Variants in KIAA1217 observed in about 807,000 individuals in gnomAD.
KIAA1217 encodes the protein sickle tail protein homolog.
A neutral mutation model predicts 163.9 loss-of-function variants in KIAA1217; 88 were observed. The ratio of observed to expected loss-of-function variants is 0.54; its 90% CI spans 0.45 to 0.64. KIAA1217 has a LOEUF of 0.64. Among genes scored for constraint, KIAA1217 ranks in the 30% least tolerant of loss-of-function variants. The probability of loss-of-function intolerance (pLI) is 0.00; values close to 1 mark genes in which losing one functional copy is unlikely to be tolerated. For missense variants in KIAA1217, 2,372 were observed against 2,475.0 expected, an observed-to-expected ratio of 0.96 and a Z score of 0.88; for synonymous variants, 903 against 923.1, an observed-to-expected ratio of 0.98 and a Z score of 0.39.
At chr10:24,343,844 T>G (rs1018061938) in intron 2 of KIAA1217, among the ~76,000 whole-genome samples, 2 of 152,252 alleles carry the variant, frequency 1.3e-5, no homozygotes, top group Non-Finnish European at 2.9e-5. Context: ...ACTGAATAAT[T>G]AATCTTTTCC....
chr10:23,803,886 TAC>T lies in KIAA1217; in HGVS notation c.-321+108664_-321+108665del, dbSNP rs200326047. Among the ~76,000 whole-genome samples the T allele has an allele frequency of 9.5e-3, 1,441 of 151,340 alleles. 19 individuals carry two copies. Among genetic ancestry groups the T allele is most frequent in the African/African-American group, 0.033 (1,365 of 41,416 alleles). ...GTTTGTGTTTGTATGCACACACACATACACACACACACAATGACAAAGACATT... is the reference window on the plus strand; with the variant it reads ...GTTTGTGTTTGTATGCACACACACATACACACACACAATGACAAAGACATT... On this transcript the variant is annotated intron_variant, in intron 1 of 18. Coordinates refer to the KIAA1217 transcript ENST00000376462.
At chr10:23,768,591 T>C (rs751298066) in intron 1 of KIAA1217, among the ~76,000 whole-genome samples, 98 of 152,324 alleles carry the variant, frequency 6.4e-4, no homozygotes, top group Admixed American at 1.1e-3. Context: ...ATTCGTGAAC[T>C]TTTCAATGAG....
intron 1 of KIAA1217, among the ~76,000 whole-genome samples, chr10:23,805,996 C>CAAAAAAA (rs71397917): frequency 3.2e-3 from 98 of 30,468 alleles, no homozygotes; most frequent in African/African-American, 7.1e-3. Flanking sequence ...AACTCCATCT[C>CAAAAAAA]AAAAAAAAAA....
At chr10:24,476,959 G>A (rs1041979284) in intron 6 of KIAA1217, among the ~76,000 whole-genome samples, 3 of 152,004 alleles carry the variant, frequency 2.0e-5, no homozygotes, top group Admixed American at 6.6e-5. Context: ...AACACTCCCC[G>A]CTAACTCCCC....
At chr10:24,071,777 C>T (rs1213449501) in intron 2 of KIAA1217, among the ~76,000 whole-genome samples, 3 of 151,776 alleles carry the variant, frequency 2.0e-5, no homozygotes, top group Non-Finnish European at 4.4e-5. Flanking sequence ...GGCATTATTG[C>T]CCATCATTAG....
At chr10:23,704,168 G>GTATATATATATA (rs1346283849) in intron 1 of KIAA1217, among the ~76,000 whole-genome samples, 2 of 63,282 alleles carry the variant, frequency 3.2e-5, no homozygotes, top group Non-Finnish European at 5.2e-5. Context: ...GTGTGTGTGT[G>GTATATATATATA]TGTGTATATA....
chr10:24,390,464 G>GGAGAGAGA (rs2054716397), intron 3 of KIAA1217, among the ~76,000 whole-genome samples: 1 of 95,590 alleles, frequency 1.0e-5, no homozygotes, highest in East Asian at 3.1e-4. Context: ...AAAAAAGGAG[G>GGAGAGAGA]GAGGGAGGGA....
chr10:23,780,834 C>T (rs1382869340), intron 1 of KIAA1217, among the ~76,000 whole-genome samples: 1 of 152,092 alleles, frequency 6.6e-6, no homozygotes, highest in East Asian at 1.9e-4. Context: ...GTGCCCACCA[C>T]CATGCCTGGC....
intron 1 of KIAA1217, among the ~76,000 whole-genome samples, chr10:23,787,562 T>C (rs977147296): frequency 5.3e-5 from 8 of 152,084 alleles, no homozygotes; most frequent in African/African-American, 1.9e-4. Context: ...TTGGAGGTGA[T>C]GTTCTGGATA....
chr10:23,864,523 A>AACACACACACACAC (rs10544205), intron 1 of KIAA1217, among the ~76,000 whole-genome samples: 61 of 147,346 alleles, frequency 4.1e-4, no homozygotes, highest in Non-Finnish European at 8.1e-4. Flanking sequence ...TACACACACC[A>AACACACACACACAC]ACACACACAC....
chr10:24,407,073 T>C (rs922238485), intron 3 of KIAA1217, among the ~76,000 whole-genome samples: 3 of 152,186 alleles, frequency 2.0e-5, no homozygotes, highest in Non-Finnish European at 4.4e-5. Context: ...CCTGGGCAGA[T>C]CTCTTCTCCT....
intron 1 of KIAA1217, among the ~76,000 whole-genome samples, chr10:24,214,956 T>G (rs370625586): frequency 2.0e-5 from 3 of 152,226 alleles, no homozygotes; most frequent in African/African-American, 7.2e-5. Flanking sequence ...ACCCGAGTTG[T>G]GGCAAAGAAG....
intron 13 of KIAA1217, among the ~76,000 whole-genome samples, chr10:24,525,859 G>GC (rs892286553): frequency 1.7e-4 from 26 of 152,144 alleles, no homozygotes; most frequent in African/African-American, 5.8e-4. Context: ...GCATGGTGGC[G>GC]CGTGCCTGTA....
At chr10:24,074,885 G>C (rs532294974) in intron 2 of KIAA1217, among the ~76,000 whole-genome samples, 2 of 152,066 alleles carry the variant, frequency 1.3e-5, no homozygotes, top group East Asian at 3.9e-4. Flanking sequence ...TTCTTGTAAA[G>C]ATGGGGTTTT....
intron 2 of KIAA1217, among the ~76,000 whole-genome samples, chr10:24,237,659 T>G (rs993426964): frequency 2.0e-5 from 3 of 152,230 alleles, no homozygotes; most frequent in Admixed American, 1.3e-4. Flanking sequence ...ATCTTCAGAT[T>G]TGACTGAATC....
chr10:24,291,705 C>A (rs2079105430), intron 2 of KIAA1217, among the ~76,000 whole-genome samples: 1 of 151,870 alleles, frequency 6.6e-6, no homozygotes, highest in Non-Finnish European at 1.5e-5. Flanking sequence ...TTTTTTATAC[C>A]ACCATAGAGT....
At chr10:23,834,546 G>A (rs904971029) in intron 1 of KIAA1217, among the ~76,000 whole-genome samples, 1 of 152,178 alleles carries the variant, frequency 6.6e-6, no homozygotes, top group Non-Finnish European at 1.5e-5. Context: ...TATGTAAGAA[G>A]ATGGTTAAGT....
At chr10:24,220,449 T>C (rs1275601061) in intron 2 of KIAA1217, among the ~76,000 whole-genome samples, 3 of 73,714 alleles carry the variant, frequency 4.1e-5, no homozygotes, top group Non-Finnish European at 7.1e-5. Context: ...TGCTCTTCTT[T>C]TTTTTTTTTT....
intron 1 of KIAA1217, among the ~76,000 whole-genome samples, chr10:23,834,786 A>G (rs1273996202): frequency 1.3e-5 from 2 of 152,214 alleles, no homozygotes; most frequent in African/African-American, 4.8e-5. Flanking sequence ...TGTGTTCTGC[A>G]GGATTGGTTG....
Sources: gnomAD v4.1 joint callset for allele counts (sites outside exome capture counted in the v4.1 genomes callset) on GRCh38, gnomAD v4.1.1 for gene constraint, MANE v1.5 for transcripts, NCBI Gene and HGNC (gene_info 2026-07-23, HGNC 2026-07-21) for gene names.